MDC1: variants seen among roughly 807,000 people sequenced by gnomAD.
MDC1 encodes mediator of DNA damage checkpoint protein 1.
MDC1 carries 81 observed loss-of-function variants against 142.5 expected under a neutral mutation model. The ratio of observed to expected loss-of-function variants is 0.57; its 90% confidence interval spans 0.47 to 0.68. MDC1 has a LOEUF of 0.68. Among genes scored for constraint, MDC1 ranks in the 30% least tolerant of loss-of-function variants. The pLI is 0.00. For synonymous variants in MDC1, 797 were observed against 968.4 expected (o/e 0.82, Z 3.29); for missense variants, 2,119 against 2,547.9 (o/e 0.83, Z 3.62).
intron 9 of MDC1, among the ~76,000 whole-genome samples, chr6:30,707,004 T>C (rs1241605238): frequency 6.6e-6 from 1 of 152,142 alleles, no homozygotes; most frequent in African/African-American, 2.4e-5. Flanking sequence ...TCACTGGATT[T>C]TCCTTTCTGT....
In MDC1 at chr6:30,713,779, C is replaced by T. The variant is rs371228173; in HGVS notation, c.517+24G>A. On this transcript the variant is annotated intron_variant, in intron 3 of 14. Transcript: ENST00000376406. The surrounding 1 kb of genome is among the most constrained non-coding windows in gnomAD (Gnocchi z 4.9). ...CACTCATTATTCCTGTCTCCTCATT[C>T]TCCCTGCCAATATACAAACTTACCT... 65 of 1,613,586 alleles carry T rather than the reference C, an allele frequency of 4.0e-5. No individual in the cohort carries two copies. The African/African-American group carries it at 7.9e-4, about 20-fold the overall frequency.
chr6:30,712,456 C>T lies in MDC1; in HGVS notation c.1486G>A (p.Asp496Asn). ...CTCTTATCTGCTTCCACACTGTCAT[C>T]ACTGTCCCCAAAAGGAGGTTGGTCC... is the stretch of plus-strand genomic sequence containing the variant. ...EKDQPPFGDSDDSVEADKSSP... is the reference protein window; with the variant it reads ...EKDQPPFGDSNDSVEADKSSP... Residue 496 changes from aspartate to asparagine, a missense_variant, in exon 5 of 15, where the codon GAT becomes AAT. Transcript: ENST00000376406. The surrounding 1 kb of genome is among the most constrained non-coding windows in gnomAD (Gnocchi z 4.7). The T allele has an allele frequency of 1.2e-6, 2 of 1,613,060 alleles. No individual in the cohort carries two copies. Among genetic ancestry groups the T allele is most frequent in the Non-Finnish European group, 1.7e-6 (2 of 1,180,018 alleles).
chr6:30,703,452 C>T lies in MDC1; in HGVS notation c.5648G>A (p.Arg1883Gln), dbSNP rs28994875. ...PNRIPSRSLR[R>Q]TKLNQESTAP... Reference sequence around the variant, plus strand: ...TGTTGATTCTTGGTTAAGTTTGGTCCGTCGGAGGCTGCGGCTTGGTATTCT... The same window carrying T: ...TGTTGATTCTTGGTTAAGTTTGGTCTGTCGGAGGCTGCGGCTTGGTATTCT... Residue 1883 changes from arginine (R) to glutamine (Q), a missense_variant, in exon 11 of 15, where the codon CGG becomes CAG. Transcript: ENST00000376406. This position sits in a 1 kb window ranked among gnomAD's most constrained non-coding sequence, Gnocchi z 4.4. 0.021 allele frequency: 34,079 copies of T among 1,613,946 alleles called. 445 individuals carry two copies. Among genetic ancestry groups the T allele is most frequent in the Middle Eastern group, 0.026 (159 of 6,062 alleles).
At position 30,707,717 on chromosome 6, in the gene MDC1, C is replaced by T. The variant is rs772327241; in HGVS notation, c.2862G>A (p.Gly954=). Residue 954 remains glycine (G), a synonymous_variant, in exon 8 of 15, where the codon GGG becomes GGA. Coordinates refer to ENST00000376406, the MANE Select transcript of MDC1 (RefSeq NM_014641.3). ...RDTQRGEPEG[G]SQDQKGQASS... is the part of the protein sequence containing the mutation. Reference sequence around the variant, plus strand: ...AGGCCTGCCCTTTCTGGTCCTGGCTCCCTCCCTCTGGCTCCCCTCTCTGTG... The same window carrying T: ...AGGCCTGCCCTTTCTGGTCCTGGCTTCCTCCCTCTGGCTCCCCTCTCTGTG... 6.2e-7 allele frequency: 1 copy of T among 1,613,070 alleles called. No individual in the cohort carries two copies. Among genetic ancestry groups the T allele is most frequent in the Non-Finnish European group, 8.5e-7 (1 of 1,180,026 alleles).
intron 9 of MDC1, 49 bp from the exon 10 acceptor site, chr6:30,706,147 T>G (rs1562099371): frequency 2.1e-6 from 3 of 1,433,434 alleles, no homozygotes; most frequent in Non-Finnish European, 2.8e-6. Context: ...AGAAAAGAGA[T>G]AGAACTTGGA....
intron 7 of MDC1, among the ~76,000 whole-genome samples, chr6:30,710,993 A>G (rs1774784095): frequency 6.6e-6 from 1 of 152,202 alleles, no homozygotes; most frequent in Admixed American, 6.5e-5. Context: ...TTCAACCTGC[A>G]GCTGGTTGAA....
Position 30,713,293 on chromosome 6 carries a change from T to C in MDC1, c.649A>G (p.Asn217Asp), listed in dbSNP as rs1448324932. The C allele has an allele frequency of 6.2e-7, 1 of 1,610,050 alleles. No homozygotes were observed. Among genetic ancestry groups the C allele is most frequent in the African/African-American group, 1.3e-5 (1 of 74,896 alleles). ...CCTTCTTCCACATCTGTGTCACTGT[T>C]CAAATTGAAGGCAAAAGGCGGCCCA... ...GLGPPFAFNL[N>D]SDTDVEEGQQ... is the part of the protein sequence containing the mutation. Residue 217 changes from asparagine (N) to aspartate (D), a missense_variant, in exon 5 of 15, where the codon AAC becomes GAC. Transcript: ENST00000376406. This position sits in a 1 kb window ranked among gnomAD's most constrained non-coding sequence, Gnocchi z 4.9.
intron 14 of MDC1, 63 bp from the exon 15 acceptor site, chr6:30,700,695 C>A: frequency 6.4e-7 from 1 of 1,552,572 alleles, no homozygotes; most frequent in South Asian, 1.1e-5. Flanking sequence ...GGTTCAGGAC[C>A]CACTAACCAG....
In MDC1 at chr6:30,705,138, G is replaced by A. The variant is rs574697014; in HGVS notation, c.4045C>T (p.Arg1349Trp). 3.5e-5 allele frequency: 57 copies of A among 1,613,106 alleles called. No individual in the cohort carries two copies. In the South Asian group the frequency reaches 4.5e-4, roughly 13 times the overall value. Residue 1349 changes from arginine (R) to tryptophan (W), a missense_variant, in exon 10 of 15, where the codon CGG becomes TGG. Transcript: ENST00000376406. ...DQPVTPKPTS[R>W]TTRSRTNMSS... ...ATATTTGTCCTGCTCCTAGTGGTCC[G>A]AGATGTGGGCTTAGGGGTGACAGGT...
rs1282704487 is a variant in MDC1, at chr6:30,716,180, C to T, written c.-3-1002G>A. On this transcript the variant is annotated intron_variant, in intron 1 of 14. Transcript: ENST00000376406. The surrounding 1 kb of genome is among the most constrained non-coding windows in gnomAD (Gnocchi z 4.4). ...GCTTTTTCCCACCTAGTTTTCTGGTCCAACTTCTACCATCCTTTAAGATTC... is the reference window on the plus strand; with the variant it reads ...GCTTTTTCCCACCTAGTTTTCTGGTTCAACTTCTACCATCCTTTAAGATTC... 6.6e-6 allele frequency among the ~76,000 whole-genome samples: 1 copy of T among 152,100 alleles called. No individual in the cohort carries two copies. The highest frequency in any genetic ancestry group is 2.4e-5 in the African/African-American group (1 of 41,404).
Position 30,704,710 on chromosome 6 carries a change from G to C in MDC1, c.4473C>G (p.Pro1491=), listed in dbSNP as rs765255281. The change falls in exon 10 of 15, where the codon CCC becomes CCG. Residue 1491 remains proline (P), a synonymous_variant. Transcript: ENST00000376406. ...SSVKTPETVV[P]TAPELQASAS... ...CGGAAGCCTGTAGCTCAGGGGCTGT[G>C]GGGACAACTGTTTCAGGAGTCTTGA... 1.2e-6 allele frequency: 2 copies of C among 1,611,284 alleles called. No homozygotes were observed. Among genetic ancestry groups the C allele is most frequent in the Non-Finnish European group, 8.5e-7 (1 of 1,178,982 alleles).
rs1341489393 is a variant in MDC1, at chr6:30,713,040, G to C, written c.902C>G (p.Thr301Arg). Residue 301 changes from threonine (T) to arginine (R), a missense_variant, in exon 5 of 15, where the codon ACA (threonine) becomes AGA (arginine). Transcript: ENST00000376406. The surrounding 1 kb of genome is among the most constrained non-coding windows in gnomAD (Gnocchi z 4.9). ...AGGCCTGCTGTCATCATCCACATCT[G>C]TGTCACTGTCCTCTCCAGGAGGTTG... ...RSQPPGEDSD[T>R]DVDDDSRPPG... 6 of 1,612,806 alleles carry C rather than the reference G, an allele frequency of 3.7e-6. No homozygotes were observed. Among genetic ancestry groups the C allele is most frequent in the African/African-American group, 1.3e-5 (1 of 74,926 alleles).
At position 30,704,401 on chromosome 6, in the gene MDC1, A is replaced by T. The variant is rs188548978; in HGVS notation, c.4782T>A (p.Ser1594=). 4 of 1,612,006 alleles carry T rather than the reference A, an allele frequency of 2.5e-6. No homozygotes were observed. The highest frequency in any genetic ancestry group is 3.4e-6 in the Non-Finnish European group (4 of 1,179,560). The part of the protein sequence containing the change: ...RNQLVTPEPT[S]RATRCRTNRS... ...TATTTGTCCTGCACCTAGTGGCCCG[A>T]GATGTGGGCTCAGGGGTGACAAGCT... is the stretch of plus-strand genomic sequence containing the variant. Residue 1594 remains serine, a synonymous_variant, in exon 10 of 15, where the codon TCT becomes TCA. Coordinates refer to ENST00000376406, the MANE Select transcript of MDC1 (RefSeq NM_014641.3).
Position 30,703,583 on chromosome 6 carries a change from C to A in MDC1, c.5562+38G>T. ...GGTGGGAGTTTCAGAGCCCTGAAGT[C>A]ATTTTTCCCAGCTTTGTGGTCCCAA... is the stretch of plus-strand genomic sequence containing the variant. On this transcript the variant is annotated intron_variant, in intron 10 of 14. Coordinates refer to ENST00000376406, the MANE Select transcript of MDC1 (RefSeq NM_014641.3). This position sits in a 1 kb window ranked among gnomAD's most constrained non-coding sequence, Gnocchi z 4.4. 6.2e-7 allele frequency: 1 copy of A among 1,612,546 alleles called. No individual in the cohort carries two copies. The highest frequency in any genetic ancestry group is 8.5e-7 in the Non-Finnish European group (1 of 1,179,594).
In MDC1 at chr6:30,713,452, T is replaced by C; in HGVS notation, c.588-98A>G. ...CCTTGAGGGGAGACACAAGGTAGCA[T>C]ATTTCTTCTTCTGTTTCCAATTTGT... On this transcript the variant is annotated intron_variant, in intron 4 of 14. Coordinates refer to ENST00000376406, the MANE Select transcript of MDC1 (RefSeq NM_014641.3). This position sits in a 1 kb window ranked among gnomAD's most constrained non-coding sequence, Gnocchi z 4.9. 1 of 1,372,424 alleles carries C rather than the reference T, an allele frequency of 7.3e-7. No homozygotes were observed. The highest frequency in any genetic ancestry group is 2.3e-5 in the East Asian group (1 of 42,592). 85.0% of individuals were successfully genotyped at this position (1,372,424 alleles called of 1,614,324 possible).
In MDC1 at chr6:30,705,204, G is replaced by T. The variant is rs1267070253; in HGVS notation, c.3979C>A (p.Pro1327Thr). The T allele has an allele frequency of 6.3e-7, 1 of 1,592,692 alleles. No homozygotes were observed. Among genetic ancestry groups the T allele is most frequent in the East Asian group, 2.3e-5 (1 of 42,714 alleles). The change falls in exon 10 of 15, where the codon CCC (proline) becomes ACC (threonine). Residue 1327 changes from proline to threonine, a missense_variant. Physicochemically the swap from Pro to Thr is conservative, Grantham distance 38. Coordinates refer to ENST00000376406, the MANE Select transcript of MDC1 (RefSeq NM_014641.3). ...GAAATCTGGAGCTCAGGGGCTGTGG[G>T]GACAACTGTTTCAGGGGTCTTGACA... ...SSVKTPETVV[P>T]TAPELQISTS...
chr6:30,715,673 C>T lies in MDC1; in HGVS notation c.-3-495G>A, dbSNP rs960284181. ...TCTTTTTTAGCCCATGCTTTTTATA[C>T]TTTTACCAGACCACCTCAGTTTGAT... On this transcript the variant is annotated intron_variant, in intron 1 of 14. Coordinates refer to ENST00000376406, the MANE Select transcript of MDC1 (RefSeq NM_014641.3). The surrounding 1 kb of genome is among the most constrained non-coding windows in gnomAD (Gnocchi z 4.1). Among the ~76,000 whole-genome samples the T allele has an allele frequency of 6.6e-6, 1 of 152,112 alleles. No individual in the cohort carries two copies. Among genetic ancestry groups the T allele is most frequent in the African/African-American group, 2.4e-5 (1 of 41,430 alleles).
rs765651295 is a variant in MDC1 at position 30,705,163 on chromosome 6, T to G, written c.4020A>C (p.Gln1340His). The change falls in exon 10 of 15, where the codon CAA becomes CAC. Residue 1340 changes from glutamine (Q) to histidine (H), a missense_variant. Gln to His is a conservative substitution (Grantham distance 24). Transcript: ENST00000376406. The stretch of plus-strand genomic sequence containing the variant: ...GAGATGTGGGCTTAGGGGTGACAGG[T>G]TGGTCTGTGGAGGTGGAAATCTGGA... ...PELQISTSTD[Q>H]PVTPKPTSRT... The G allele has an allele frequency of 3.1e-6, 5 of 1,593,784 alleles. No individual in the cohort carries two copies. The highest frequency in any genetic ancestry group is 4.3e-6 in the Non-Finnish European group (5 of 1,171,966).
At position 30,711,441 on chromosome 6, in the gene MDC1, C is replaced by T. The variant is rs761034847; in HGVS notation, c.2192G>A (p.Gly731Asp). The T allele has an allele frequency of 3.7e-5, 60 of 1,612,986 alleles. No individual in the cohort carries two copies. Among genetic ancestry groups the T allele is most frequent in the Non-Finnish European group, 4.7e-5 (56 of 1,180,020 alleles). Reference sequence around the variant, plus strand: ...TGTCTGGAAGCTGCAATGGGAAGGGCCAAGCTCTTGGGGTGGAGTCAACAT... The same window carrying T: ...TGTCTGGAAGCTGCAATGGGAAGGGTCAAGCTCTTGGGGTGGAGTCAACAT... ...AFMLTPPQELGPSHCSFQTTG... is the reference protein window; with the variant it reads ...AFMLTPPQELDPSHCSFQTTG... The change falls in exon 7 of 15, where the codon GGC (glycine) becomes GAC (aspartate). Residue 731 changes from glycine to aspartate, a missense_variant. Gly to Asp is a moderately conservative substitution (Grantham distance 94). Coordinates refer to ENST00000376406, the MANE Select transcript of MDC1 (RefSeq NM_014641.3).
Sources: gnomAD v4.1 joint callset for allele counts (sites outside exome capture counted in the v4.1 genomes callset) on GRCh38, gnomAD v4.1.1 for gene constraint, Gnocchi (gnomAD v3.1) non-coding constraint, MANE v1.5 for transcripts, NCBI Gene and HGNC (gene_info 2026-07-23, HGNC 2026-07-21) for gene names.